The following CNTNAP2 variants were observed in gnomAD, a reference collection of about 807,000 sequenced individuals.
CNTNAP2 encodes contactin associated protein 2.
A neutral mutation model predicts 155.2 loss-of-function variants in CNTNAP2; 98 were observed. The observed-to-expected ratio is 0.63, with a 90% confidence interval of 0.54 to 0.75. The LOEUF (loss-of-function observed/expected upper bound fraction) is 0.75. Among genes scored for constraint, CNTNAP2 ranks in the 30% least tolerant of loss-of-function variants. The pLI, the probability that CNTNAP2 is intolerant of heterozygous loss-of-function variation, is 0.00. For synonymous variants in CNTNAP2, 651 were observed against 631.2 expected (o/e 1.03, Z -0.47); for missense variants, 1,727 against 1,688.1 (o/e 1.02, Z -0.40).
chr7:146,683,468 T>C (rs1280120682), intron 1 of CNTNAP2, among the ~76,000 whole-genome samples: 3 of 152,204 alleles, frequency 2.0e-5, no homozygotes, highest in African/African-American at 7.2e-5. Flanking sequence ...AATAATTATA[T>C]TTGAAACTCT....
At chr7:147,913,031 A>G (rs1398753608) in intron 14 of CNTNAP2, among the ~76,000 whole-genome samples, 2 of 152,234 alleles carry the variant, frequency 1.3e-5, no homozygotes, top group Non-Finnish European at 2.9e-5. Flanking sequence ...TGCAGTGACA[A>G]TATCAGTCAA....
At chr7:147,091,209 G>A (rs1800396177) in intron 4 of CNTNAP2, among the ~76,000 whole-genome samples, 1 of 151,992 alleles carries the variant, frequency 6.6e-6, no homozygotes, top group African/African-American at 2.4e-5. Flanking sequence ...TTCCTCATGG[G>A]CAAATAAACC....
chr7:147,151,772 T>G (rs1801831812), intron 8 of CNTNAP2, among the ~76,000 whole-genome samples: 1 of 152,180 alleles, frequency 6.6e-6, no homozygotes, highest in Admixed American at 6.5e-5. Flanking sequence ...CAAAAAAGGA[T>G]AGTTCCTTTT....
chr7:146,908,179 T>C (rs999803406), intron 3 of CNTNAP2, among the ~76,000 whole-genome samples: 1 of 152,122 alleles, frequency 6.6e-6, no homozygotes, highest in Non-Finnish European at 1.5e-5. Flanking sequence ...CAAAGAGACT[T>C]AGACTCCCAA....
chr7:146,550,748 A>G (rs1450762634), intron 1 of CNTNAP2, among the ~76,000 whole-genome samples: 2 of 152,082 alleles, frequency 1.3e-5, no homozygotes, highest in Non-Finnish European at 2.9e-5. Context: ...TGCAATGATC[A>G]GCATAGAGCC....
chr7:146,287,514 T>G (rs1800356102), intron 1 of CNTNAP2, among the ~76,000 whole-genome samples: 1 of 152,174 alleles, frequency 6.6e-6, no homozygotes, highest in African/African-American at 2.4e-5. Flanking sequence ...GATATGAGCT[T>G]ATTTTCCAAC....
intron 1 of CNTNAP2, among the ~76,000 whole-genome samples, chr7:146,199,904 C>CAA (rs1562987382): frequency 4.6e-5 from 7 of 152,294 alleles, no homozygotes; most frequent in Admixed American, 4.6e-4. Flanking sequence ...CAGTCTTTCT[C>CAA]CCTTGCCCCT....
chr7:146,357,752 T>C (rs571721384), intron 1 of CNTNAP2, among the ~76,000 whole-genome samples: 1 of 152,224 alleles, frequency 6.6e-6, no homozygotes, highest in East Asian at 1.9e-4. Context: ...AACTTTAATA[T>C]AATTTTACAG....
chr7:146,699,629 G>A (rs1800841400), intron 1 of CNTNAP2, among the ~76,000 whole-genome samples: 1 of 152,008 alleles, frequency 6.6e-6, no homozygotes, highest in Non-Finnish European at 1.5e-5. Flanking sequence ...CAGTCCATTG[G>A]GCTGTAGTAA....
intron 11 of CNTNAP2, 98 bp from the exon 12 acceptor site, chr7:147,562,040 C>A: frequency 6.8e-7 from 1 of 1,471,572 alleles, no homozygotes. Flanking sequence ...CTACTCCTAA[C>A]TAGTGGTTTG....
chr7:147,387,825 A>T (rs971384394), intron 9 of CNTNAP2, among the ~76,000 whole-genome samples: 1 of 152,116 alleles, frequency 6.6e-6, no homozygotes, highest in South Asian at 2.1e-4. Flanking sequence ...TGAGTTTTTT[A>T]AAAAACTATA....
At chr7:147,549,930 T>C (rs1303688931) in intron 11 of CNTNAP2, among the ~76,000 whole-genome samples, 1 of 152,228 alleles carries the variant, frequency 6.6e-6, no homozygotes, top group East Asian at 1.9e-4. Flanking sequence ...TACATTATTT[T>C]TATTAGAATG....
intron 3 of CNTNAP2, among the ~76,000 whole-genome samples, chr7:147,027,521 A>T (rs906919873): frequency 2.0e-5 from 3 of 152,232 alleles, no homozygotes; most frequent in African/African-American, 4.8e-5. Context: ...TAATTTTGCA[A>T]ATTATTATTT....
intron 1 of CNTNAP2, among the ~76,000 whole-genome samples, chr7:146,508,652 A>G (rs1797420595): frequency 6.6e-6 from 1 of 152,146 alleles, no homozygotes; most frequent in Admixed American, 6.5e-5. Context: ...CAGTTTCCTA[A>G]TCAAACACAA....
At chr7:146,666,564 G>T (rs1185778133) in intron 1 of CNTNAP2, among the ~76,000 whole-genome samples, 1 of 152,018 alleles carries the variant, frequency 6.6e-6, no homozygotes, top group Non-Finnish European at 1.5e-5. Flanking sequence ...AATTTTTGAG[G>T]AACCTCTATA....
In CNTNAP2 at chr7:148,302,813, C is replaced by CTTTTTTTTT. The variant is rs59354674; in HGVS notation, c.3475+35702_3475+35710dup. ...TATAAATTACTCAGTCTCGATTATTCTTTTTTTTTTTTTTTTTTTTTTTGA... is the reference window on the plus strand; with the variant it reads ...TATAAATTACTCAGTCTCGATTATTCTTTTTTTTTTTTTTTTTTTTTTTTTTTTTTTTGA... On this transcript the variant is annotated intron_variant, in intron 21 of 23. Coordinates refer to ENST00000361727, the MANE Select transcript of CNTNAP2 (RefSeq NM_014141.6). Among the ~76,000 whole-genome samples, 91 of 86,892 alleles carry CTTTTTTTTT rather than the reference C, an allele frequency of 1.0e-3. 1 individual carries two copies. The highest frequency in any genetic ancestry group is 1.4e-3 in the Non-Finnish European group (66 of 48,860). 57.0% of individuals were successfully genotyped at this position (86,892 alleles called of 152,430 possible). A position where few individuals can be genotyped will look rare whatever the true frequency, so the allele number is the denominator to read the frequency against.
intron 10 of CNTNAP2, among the ~76,000 whole-genome samples, chr7:147,480,196 A>C (rs963139819): frequency 6.6e-6 from 1 of 152,232 alleles, no homozygotes; most frequent in African/African-American, 2.4e-5. Flanking sequence ...ATAAAATTTC[A>C]TGCTGAGATG....
chr7:146,787,738 A>T (rs964662801), intron 2 of CNTNAP2, among the ~76,000 whole-genome samples: 1 of 152,056 alleles, frequency 6.6e-6, no homozygotes, highest in Non-Finnish European at 1.5e-5. Flanking sequence ...CATCCTGCTG[A>T]TTGGTCCATT....
At chr7:147,101,587 T>C (rs1429181146) in intron 4 of CNTNAP2, among the ~76,000 whole-genome samples, 1 of 152,110 alleles carries the variant, frequency 6.6e-6, no homozygotes, top group African/African-American at 2.4e-5. Flanking sequence ...TCACATGGAC[T>C]TGAAGGATGG....
Sources: allele counts gnomAD v4.1 joint callset (sites outside exome capture counted in the v4.1 genomes callset), GRCh38; gene constraint gnomAD v4.1.1; transcripts MANE v1.5; gene names NCBI Gene and HGNC (gene_info 2026-07-23, HGNC 2026-07-21).